The following WFDC1 variants were observed in gnomAD, a reference collection of about 807,000 sequenced individuals.
WFDC1 encodes the protein WAP four-disulfide core domain protein 1.
In WFDC1, 39 loss-of-function variants were observed where a neutral mutation model predicts 32.9. That is an observed-to-expected ratio of 1.19 (90% CI 0.92 to 1.55). The LOEUF (loss-of-function observed/expected upper bound fraction) is 1.55, where lower values mean the gene tolerates loss of function less well. Ranked by LOEUF, WFDC1 falls within the 40% of genes most tolerant of loss-of-function variation. The probability of loss-of-function intolerance (pLI) is 0.00; values close to 1 mark genes in which losing one functional copy is unlikely to be tolerated. For synonymous variants in WFDC1, 184 were observed against 137.4 expected (o/e 1.34, Z -2.37); for missense variants, 386 against 309.5 (o/e 1.25, Z -1.85).
chr16:84,312,570 A>G (rs1295515154), intron 1 of WFDC1, among the ~76,000 whole-genome samples: 3 of 152,194 alleles, frequency 2.0e-5, no homozygotes, highest in Admixed American at 2.0e-4. Context: ...ATACATATGT[A>G]CATATAGACA....
intron 1 of WFDC1, among the ~76,000 whole-genome samples, chr16:84,307,042 T>G (rs962395314): frequency 1.3e-5 from 2 of 151,412 alleles, no homozygotes; most frequent in African/African-American, 4.9e-5. Context: ...CGGGCAGATA[T>G]GGTGGGTGGG....
intron 6 of WFDC1, chr16:84,327,161 T>C: frequency 1.8e-6 from 1 of 570,046 alleles, no homozygotes; most frequent in Non-Finnish European, 3.2e-6. Context: ...CGACATACTA[T>C]ATGCACTGTA....
At chr16:84,304,550 A>G (rs1282242286) in intron 1 of WFDC1, among the ~76,000 whole-genome samples, 3 of 152,170 alleles carry the variant, frequency 2.0e-5, no homozygotes, top group Non-Finnish European at 4.4e-5. Context: ...TATCCAGGTA[A>G]GGCATACAGA....
intron 4 of WFDC1, among the ~76,000 whole-genome samples, chr16:84,319,874 C>A (rs1908205598): frequency 1.3e-5 from 2 of 152,178 alleles, no homozygotes; most frequent in African/African-American, 4.8e-5. Context: ...TCAGTTTCCT[C>A]ATCTGTAAAA....
At chr16:84,319,900 C>A (rs140687578) in intron 4 of WFDC1, among the ~76,000 whole-genome samples, 18 of 152,268 alleles carry the variant, frequency 1.2e-4, no homozygotes, top group African/African-American at 4.1e-4. Flanking sequence ...CTACTACATG[C>A]TGTTGTGGGG....
chr16:84,323,072 G>A (rs1278498772), intron 4 of WFDC1, among the ~76,000 whole-genome samples: 2 of 152,186 alleles, frequency 1.3e-5, no homozygotes, highest in African/African-American at 4.8e-5. Flanking sequence ...GGTAAAGGGG[G>A]AGCAGGAAAG....
At chr16:84,312,829 C>G (rs955778158) in intron 1 of WFDC1, 132 bp from the exon 2 acceptor site, 3 of 425,478 alleles carry the variant, frequency 7.1e-6, no homozygotes, top group African/African-American at 6.4e-5. Context: ...GCTCTGCCTG[C>G]TTGCTGTTTC....
At chr16:84,302,189 G>T (rs1051753693) in intron 1 of WFDC1, among the ~76,000 whole-genome samples, 1 of 152,120 alleles carries the variant, frequency 6.6e-6, no homozygotes, top group Non-Finnish European at 1.5e-5. Flanking sequence ...GAGATTCTTG[G>T]TTGCCAGGGG....
rs1375361152 is a variant in WFDC1 at position 84,329,704 on chromosome 16, C to T, written c.*398C>T. ...GGTATGTACCCATCTCAAATGTTCC[C>T]AAGATAAATTCATCCTTCAGGAAAT... On this transcript the variant is annotated 3_prime_UTR_variant, in exon 7 of 7. Transcript: ENST00000219454. The T allele has an allele frequency of 6.6e-6, 1 of 152,182 alleles. No individual in the cohort carries two copies. Among genetic ancestry groups the T allele is most frequent in the Non-Finnish European group, 1.5e-5 (1 of 68,048 alleles). The allele number at this position is 152,182 out of a possible 1,614,324, so 9.4% of individuals were successfully genotyped here.
At chr16:84,326,653 T>G in intron 5 of WFDC1, 1 of 526,508 alleles carries the variant, frequency 1.9e-6, no homozygotes. Context: ...TGGTGAGCTG[T>G]GGAGGTGGTG....
intron 5 of WFDC1, 61 bp from the exon 6 acceptor site, chr16:84,326,821 C>CG (rs34519449): frequency 0.11 from 183,060 of 1,601,796 alleles, 11,292 homozygotes; most frequent in African/African-American, 0.21. Context: ...TGGTGAGCCA[C>CG]GGGGGGCATT....
intron 1 of WFDC1, among the ~76,000 whole-genome samples, chr16:84,304,405 T>C (rs1296055135): frequency 6.6e-6 from 1 of 152,182 alleles, no homozygotes; most frequent in African/African-American, 2.4e-5. Flanking sequence ...GTTTTTGTAT[T>C]TTTAGTAGAG....
chr16:84,318,417 T>G, intron 3 of WFDC1, 62 bp downstream of exon 3: 1 of 1,542,762 alleles, frequency 6.5e-7, no homozygotes, highest in Non-Finnish European at 8.9e-7. Flanking sequence ...CTCAGCTGCT[T>G]CCAGAAAGCT....
At chr16:84,320,629 G>A (rs1404834487) in intron 4 of WFDC1, among the ~76,000 whole-genome samples, 1 of 152,184 alleles carries the variant, frequency 6.6e-6, no homozygotes, top group African/African-American at 2.4e-5. Context: ...GTGCTTTTTG[G>A]CATGGAGTTT....
intron 1 of WFDC1, 21 bp downstream of exon 1, chr16:84,295,136 G>A (rs768564867): frequency 6.2e-7 from 1 of 1,612,492 alleles, no homozygotes. Context: ...GGGATGGGGA[G>A]GCTGGGGCAG....
intron 4 of WFDC1, among the ~76,000 whole-genome samples, chr16:84,320,150 G>A (rs1300133064): frequency 1.3e-5 from 2 of 152,220 alleles, no homozygotes; most frequent in East Asian, 3.9e-4. Flanking sequence ...CAAATTACAC[G>A]ACACATTCAA....
intron 1 of WFDC1, among the ~76,000 whole-genome samples, chr16:84,302,157 G>A (rs1013330217): frequency 1.3e-5 from 2 of 152,132 alleles, no homozygotes; most frequent in African/African-American, 4.8e-5. Flanking sequence ...TCCAGAAGAG[G>A]CAAATCCAGC....
intron 2 of WFDC1, chr16:84,316,264 C>A (rs1907942931): frequency 6.6e-6 from 1 of 152,204 alleles, no homozygotes; most frequent in Non-Finnish European, 1.5e-5. Context: ...TCAGTATAAT[C>A]AGCGAGTGCT....
chr16:84,316,148 C>T (rs1375450599), intron 2 of WFDC1: 2 of 152,190 alleles, frequency 1.3e-5, no homozygotes, highest in Non-Finnish European at 2.9e-5. Context: ...AGGGAAGAAC[C>T]GAAAGGTTGC....
Sources: allele counts gnomAD v4.1 joint callset (sites outside exome capture counted in the v4.1 genomes callset), GRCh38; gene constraint gnomAD v4.1.1; transcripts MANE v1.5; gene names NCBI Gene and HGNC (gene_info 2026-07-23, HGNC 2026-07-21).